The following PARD3 variants were observed in gnomAD, a reference collection of about 807,000 sequenced individuals.
PARD3 encodes the protein par-3 family cell polarity regulator, also known as partitioning defective 3 homolog.
PARD3 carries 75 observed loss-of-function variants against 155.4 expected under a neutral mutation model. That is an observed-to-expected ratio of 0.48 (90% CI 0.40 to 0.58). The LOEUF (loss-of-function observed/expected upper bound fraction) is 0.58, where lower values mean the gene tolerates loss of function less well. PARD3 is among the 20% of genes least tolerant of loss of function. The probability of loss-of-function intolerance (pLI) is 0.00; values close to 1 mark genes in which losing one functional copy is unlikely to be tolerated. For missense variants in PARD3, 1,642 were observed against 1,721.7 expected, an observed-to-expected ratio of 0.95 and a Z score of 0.82; for synonymous variants, 576 against 610.5, an observed-to-expected ratio of 0.94 and a Z score of 0.83.
chr10:34,710,450 C>T (rs901060827), intron 1 of PARD3, among the ~76,000 whole-genome samples: 5 of 1,230 alleles, frequency 4.1e-3, no homozygotes, highest in South Asian at 0.5. Flanking sequence ...TCTCCTGTTC[C>T]CAATAAAATG....
chr10:34,144,842 T>G (rs1948378163), intron 22 of PARD3, among the ~76,000 whole-genome samples: 1 of 152,100 alleles, frequency 6.6e-6, no homozygotes, highest in Admixed American at 6.5e-5. Context: ...TAAGCCCAAT[T>G]TTTTTCCTGG....
chr10:34,197,684 T>C (rs114167502), intron 22 of PARD3, among the ~76,000 whole-genome samples: 369 of 152,342 alleles, frequency 2.4e-3, no homozygotes, highest in African/African-American at 8.5e-3. Context: ...AATTCTCCAC[T>C]ATATTTTGCT....
intron 3 of PARD3, among the ~76,000 whole-genome samples, chr10:34,513,750 G>T (rs2081542512): frequency 6.6e-6 from 1 of 152,200 alleles, no homozygotes; most frequent in Non-Finnish European, 1.5e-5. Flanking sequence ...AAACAATGAT[G>T]TATTTAATTC....
intron 2 of PARD3, among the ~76,000 whole-genome samples, chr10:34,621,207 GT>G (rs776876508): frequency 1.6e-4 from 25 of 151,762 alleles, no homozygotes; most frequent in South Asian, 6.3e-4. Context: ...TTTTTTGGGG[GT>G]TTTTTTTGTT....
intron 20 of PARD3, 150 bp from the exon 21 acceptor site, chr10:34,284,395 T>G: frequency 2.0e-6 from 1 of 505,714 alleles, no homozygotes; most frequent in South Asian, 3.4e-5. Flanking sequence ...GGGTCAGGAC[T>G]AGTATTTTGA....
chr10:34,756,283 A>G (rs1171988819), intron 1 of PARD3, among the ~76,000 whole-genome samples: 1 of 146,162 alleles, frequency 6.8e-6, no homozygotes, highest in African/African-American at 2.5e-5. Flanking sequence ...CCTCCTGAGT[A>G]GCTGGGACTA....
intron 22 of PARD3, among the ~76,000 whole-genome samples, chr10:34,166,627 TAA>T (rs200039992): frequency 2.1e-5 from 3 of 141,918 alleles, no homozygotes; most frequent in South Asian, 2.2e-4. Flanking sequence ...AGATCCTGTC[TAA>T]AAAAAAAAAG....
At chr10:34,624,465 T>C (rs1008245363) in intron 2 of PARD3, among the ~76,000 whole-genome samples, 1 of 152,218 alleles carries the variant, frequency 6.6e-6, no homozygotes, top group Non-Finnish European at 1.5e-5. Context: ...ACAGTCCCTG[T>C]TCATGTACCC....
chr10:34,381,910 C>A (rs1170634855), intron 9 of PARD3, among the ~76,000 whole-genome samples: 2 of 17,904 alleles, frequency 1.1e-4, no homozygotes, highest in African/African-American at 3.3e-4. Flanking sequence ...AAGGCCCTGT[C>A]TCAAAAAAAA....
At chr10:34,175,687 A>G (rs969496764) in intron 22 of PARD3, among the ~76,000 whole-genome samples, 1 of 152,256 alleles carries the variant, frequency 6.6e-6, no homozygotes. Flanking sequence ...AAAGAGGCTA[A>G]TAAAGCAAGT....
chr10:34,378,940 T>C (rs973678434), intron 9 of PARD3, among the ~76,000 whole-genome samples: 4 of 152,180 alleles, frequency 2.6e-5, no homozygotes, highest in Non-Finnish European at 5.9e-5. Flanking sequence ...TATATGTCAC[T>C]AGAATCAAGA....
intron 2 of PARD3, among the ~76,000 whole-genome samples, chr10:34,549,068 T>C (rs1193358779): frequency 6.6e-6 from 1 of 152,240 alleles, no homozygotes; most frequent in Non-Finnish European, 1.5e-5. Context: ...TGTGTGTTTG[T>C]AGCCGATATT....
At chr10:34,769,799 CAAAACAAAAAAA>C (rs1838622290) in intron 1 of PARD3, among the ~76,000 whole-genome samples, 1 of 66,640 alleles carries the variant, frequency 1.5e-5, no homozygotes. Context: ...AACAAAAAAA[CAAAACAAAAAAA>C]AAAACAAGAA....
intron 1 of PARD3, among the ~76,000 whole-genome samples, chr10:34,714,431 T>C (rs1190309120): frequency 1.3e-5 from 2 of 152,198 alleles, no homozygotes; most frequent in Non-Finnish European, 2.9e-5. Flanking sequence ...CTGCACCTCG[T>C]GGCATCTGTA....
In PARD3 at chr10:34,513,122, T is replaced by C. The variant is rs79053625; in HGVS notation, c.403+3857A>G. ...AATTTATTAAGTGTATGAATATTAA[T>C]ATTCATTTGAAATGTTTACTGTAAA... On this transcript the variant is annotated intron_variant, in intron 3 of 24. Transcript: ENST00000374788. 6.4e-3 allele frequency among the ~76,000 whole-genome samples: 974 copies of C among 152,376 alleles called. 9 individuals are homozygous for C. The highest frequency in any genetic ancestry group is 0.022 in the African/African-American group (928 of 41,594).
intron 1 of PARD3, among the ~76,000 whole-genome samples, chr10:34,730,958 C>G (rs1022281594): frequency 6.6e-6 from 1 of 152,132 alleles, no homozygotes; most frequent in Admixed American, 6.5e-5. Flanking sequence ...CAATTTGACC[C>G]GGTTATATAG....
At chr10:34,613,905 T>C (rs1382842510) in intron 2 of PARD3, among the ~76,000 whole-genome samples, 1 of 152,174 alleles carries the variant, frequency 6.6e-6, no homozygotes, top group Non-Finnish European at 1.5e-5. Context: ...GAATTTATCA[T>C]CTATTGTCAG....
intron 2 of PARD3, among the ~76,000 whole-genome samples, chr10:34,606,124 ATATC>A (rs1425795847): frequency 1.3e-5 from 2 of 148,954 alleles, no homozygotes; most frequent in East Asian, 3.9e-4. Flanking sequence ...AGAACTACAT[ATATC>A]TATATTACTA....
intron 22 of PARD3, among the ~76,000 whole-genome samples, chr10:34,180,110 C>T (rs777705219): frequency 2.5e-4 from 38 of 152,034 alleles, no homozygotes; most frequent in African/African-American, 7.7e-4. Context: ...TGCAGTGGCA[C>T]GATCTCAGCT....
Sources: gnomAD v4.1 joint callset for allele counts (sites outside exome capture counted in the v4.1 genomes callset) on GRCh38, gnomAD v4.1.1 for gene constraint, MANE v1.5 for transcripts, NCBI Gene and HGNC (gene_info 2026-07-23, HGNC 2026-07-21) for gene names.